The following DOCK1 variants were observed in gnomAD, a reference collection of about 807,000 sequenced individuals.
DOCK1 encodes the protein dedicator of cytokinesis protein 1.
In DOCK1, 138 loss-of-function variants were observed where a neutral mutation model predicts 262.7. The observed-to-expected ratio is 0.53, with a 90% confidence interval of 0.46 to 0.61. The LOEUF (loss-of-function observed/expected upper bound fraction) is 0.61. Among genes scored for constraint, DOCK1 ranks in the 20% least tolerant of loss-of-function variants. DOCK1 has a pLI of 0.00. For missense variants in DOCK1, 1,908 were observed against 2,370.7 expected, an observed-to-expected ratio of 0.80 and a Z score of 4.05; for synonymous variants, 866 against 867.4, an observed-to-expected ratio of 1.00 and a Z score of 0.03.
At chr10:127,155,523 T>C (rs1206328599) in intron 27 of DOCK1, among the ~76,000 whole-genome samples, 1 of 152,188 alleles carries the variant, frequency 6.6e-6, no homozygotes, top group Non-Finnish European at 1.5e-5. Context: ...CATTCCGTTC[T>C]CCCGTTGGCT....
intron 31 of DOCK1, 132 bp from the exon 32 acceptor site, chr10:127,354,534 GAGA>G: frequency 1.1e-6 from 1 of 938,882 alleles, no homozygotes. Context: ...TTGGTGGCAA[GAGA>G]AGTTGAAGCT....
intron 1 of DOCK1, among the ~76,000 whole-genome samples, chr10:126,943,709 C>T (rs2035186976): frequency 6.6e-6 from 1 of 152,118 alleles, no homozygotes; most frequent in Non-Finnish European, 1.5e-5. Flanking sequence ...GGAGAAAGGA[C>T]TACCAAGGGA....
intron 27 of DOCK1, among the ~76,000 whole-genome samples, chr10:127,141,245 A>G (rs1306995482): frequency 1.3e-5 from 2 of 152,164 alleles, no homozygotes; most frequent in Non-Finnish European, 2.9e-5. Flanking sequence ...TTCCCATATT[A>G]CTTGCCTTCA....
chr10:127,305,578 G>T (rs2061843416), intron 29 of DOCK1, among the ~76,000 whole-genome samples: 1 of 152,138 alleles, frequency 6.6e-6, no homozygotes, highest in East Asian at 1.9e-4. Context: ...GTAAAGAAAT[G>T]AGATGTGCCC....
chr10:127,286,424 T>G (rs1247517523), intron 29 of DOCK1, among the ~76,000 whole-genome samples: 1 of 152,178 alleles, frequency 6.6e-6, no homozygotes, highest in Non-Finnish European at 1.5e-5. Flanking sequence ...ATCTCAGTGC[T>G]TTTTCGTCTT....
In DOCK1 at chr10:127,410,895, G is replaced by C; in HGVS notation, c.4399G>C (p.Gly1467Arg). The change falls in exon 43 of 52, where the codon GGA becomes CGA. Residue 1467 changes from glycine (G) to arginine (R), a missense_variant. This residue lies in a region of DOCK1 where 267 missense variants were observed against 366.3 expected (regional missense o/e 0.73). Transcript: ENST00000623213. ...RFEYSRPIRK[G>R]EKNPDNEFAN... ...TGAATATTCTCGGCCAATCCGGAAG[G>C]GAGAGAAAAACCCAGACAATGAATT... The C allele has an allele frequency of 6.2e-7, 1 of 1,613,742 alleles. No individual in the cohort carries two copies.
chr10:127,349,058 C>T (rs903354632), intron 31 of DOCK1, among the ~76,000 whole-genome samples: 1 of 152,046 alleles, frequency 6.6e-6, no homozygotes, highest in Admixed American at 6.6e-5. Context: ...CCACATGCAC[C>T]GGTGGTGTTG....
intron 29 of DOCK1, among the ~76,000 whole-genome samples, chr10:127,300,202 C>G (rs1190649633): frequency 6.6e-6 from 1 of 152,202 alleles, no homozygotes; most frequent in Non-Finnish European, 1.5e-5. Context: ...CACCTGAACT[C>G]TTGGGAATTG....
chr10:127,028,525 G>A (rs11018207), intron 16 of DOCK1, among the ~76,000 whole-genome samples: 8,432 of 152,272 alleles, frequency 0.055, 264 homozygotes, highest in Non-Finnish European at 0.072. Flanking sequence ...AAGGCACCCA[G>A]GTAGTCAGTG....
chr10:127,313,006 C>A (rs1304768648), intron 29 of DOCK1, among the ~76,000 whole-genome samples: 1 of 152,152 alleles, frequency 6.6e-6, no homozygotes, highest in Non-Finnish European at 1.5e-5. Context: ...GGCTCCCTGG[C>A]CCCTCCCAGT....
chr10:127,388,543 G>A (rs773847758), intron 38 of DOCK1, among the ~76,000 whole-genome samples: 2 of 152,184 alleles, frequency 1.3e-5, no homozygotes, highest in African/African-American at 2.4e-5. Context: ...TTCATCTTCC[G>A]TAACAATCTG....
intron 49 of DOCK1, among the ~76,000 whole-genome samples, chr10:127,442,941 C>A (rs947249793): frequency 6.6e-6 from 1 of 152,258 alleles, no homozygotes; most frequent in Admixed American, 6.5e-5. Flanking sequence ...ACAGCAGTGC[C>A]AGCCCCTCGT....
intron 27 of DOCK1, among the ~76,000 whole-genome samples, chr10:127,236,500 G>GTTTT (rs771387854): frequency 2.7e-4 from 18 of 66,782 alleles, no homozygotes; most frequent in Non-Finnish European, 2.9e-4. Flanking sequence ...CTTGACACGG[G>GTTTT]TTTTTTTTTT....
At chr10:127,226,621 G>A (rs2058651810) in intron 27 of DOCK1, among the ~76,000 whole-genome samples, 1 of 152,102 alleles carries the variant, frequency 6.6e-6, no homozygotes, top group Non-Finnish European at 1.5e-5. Flanking sequence ...GTGCGTGCCT[G>A]TAATCCCAAG....
In DOCK1 at chr10:127,176,300, C is replaced by G. The variant is rs141706041; in HGVS notation, c.2847+48536C>G. On this transcript the variant is annotated intron_variant, in intron 27 of 51. Coordinates refer to ENST00000623213, the MANE Select transcript of DOCK1 (RefSeq NM_001290223.2). The surrounding 1 kb of genome is among the most constrained non-coding windows in gnomAD (Gnocchi z 4.4). The stretch of plus-strand genomic sequence containing the variant: ...GTTTTTTAATCTGCCGGTTGGGGTC[C>G]AGGGCGTATTTCATCTCCAGGGCCA... 142 of 1,614,104 alleles carry G rather than the reference C, an allele frequency of 8.8e-5. No homozygotes were observed. The African/African-American group carries it at 1.6e-3, about 18-fold the overall frequency.
At chr10:127,374,986 A>G (rs1431307813) in intron 35 of DOCK1, among the ~76,000 whole-genome samples, 2 of 152,268 alleles carry the variant, frequency 1.3e-5, no homozygotes, top group Non-Finnish European at 2.9e-5. Flanking sequence ...CAGCAGCCAC[A>G]GGAAACCAGA....
intron 47 of DOCK1, among the ~76,000 whole-genome samples, chr10:127,432,008 G>A (rs2069323953): frequency 6.6e-6 from 1 of 152,182 alleles, no homozygotes; most frequent in African/African-American, 2.4e-5. Context: ...GAACTCGATT[G>A]TAAACTGTGC....
chr10:127,106,331 C>T (rs1217480320), intron 24 of DOCK1, 30 bp downstream of exon 24: 2 of 1,575,210 alleles, frequency 1.3e-6, no homozygotes, highest in South Asian at 1.2e-5. Flanking sequence ...GAATGCTTGT[C>T]ACGTGCCGTG....
chr10:127,353,677 A>G (rs112806396), intron 31 of DOCK1, among the ~76,000 whole-genome samples: 44 of 152,320 alleles, frequency 2.9e-4, no homozygotes, highest in African/African-American at 9.9e-4. Context: ...GCCAAGGCGC[A>G]TGGCCTCCCA....
Sources: gnomAD v4.1 joint callset for allele counts (sites outside exome capture counted in the v4.1 genomes callset) on GRCh38, gnomAD v4.1.1 for gene constraint, gnomAD v4.1.1 regional missense constraint, Gnocchi (gnomAD v3.1) non-coding constraint, MANE v1.5 for transcripts, NCBI Gene and HGNC (gene_info 2026-07-23, HGNC 2026-07-21) for gene names.